CLN3: variants seen among roughly 807,000 people sequenced by gnomAD.
CLN3 encodes battenin.
Under a neutral mutation model 60.7 loss-of-function variants are expected in CLN3, and 49 were observed. That is an observed-to-expected ratio of 0.81 (90% CI 0.64 to 1.02). The LOEUF (loss-of-function observed/expected upper bound fraction) is 1.02, where lower values mean the gene tolerates loss of function less well. CLN3 is among the 50% of genes least tolerant of loss of function. The probability of loss-of-function intolerance (pLI) is 0.00; values close to 1 mark genes in which losing one functional copy is unlikely to be tolerated. For missense variants in CLN3, 516 were observed against 557.4 expected, an observed-to-expected ratio of 0.93 and a Z score of 0.75; for synonymous variants, 256 against 245.8, an observed-to-expected ratio of 1.04 and a Z score of -0.39.
chr16:28,477,896 G>A lies in CLN3; in HGVS notation c.1057-19C>T. Reference sequence around the variant, plus strand: ...TGAGGCACTGTGAACAGGGGGAGAGGCTAAGCCTGGGACCAGGGCGGGGCA... The same window carrying A: ...TGAGGCACTGTGAACAGGGGGAGAGACTAAGCCTGGGACCAGGGCGGGGCA... On this transcript the variant is annotated intron_variant, in intron 14 of 15. Transcript: ENST00000636147. 1 of 1,612,884 alleles carries A rather than the reference G, an allele frequency of 6.2e-7. No individual in the cohort carries two copies. The highest frequency in any genetic ancestry group is 8.5e-7 in the Non-Finnish European group (1 of 1,179,874).
chr16:28,470,539 G>A, downstream of CLN3: 1 of 369,638 alleles, frequency 2.7e-6, no homozygotes, highest in Admixed American at 3.5e-5. Flanking sequence ...CCGGATCTGA[G>A]TTGGGGCGGG....
downstream of CLN3, among the ~76,000 whole-genome samples, chr16:28,473,247 G>C (rs546947229): frequency 1.3e-5 from 2 of 152,304 alleles, no homozygotes; most frequent in African/African-American, 4.8e-5. Context: ...TGGGACTACA[G>C]GCATACCTTG....
chr16:28,472,517 G>A (rs1028232501), downstream of CLN3, among the ~76,000 whole-genome samples: 1 of 152,022 alleles, frequency 6.6e-6, no homozygotes, highest in African/African-American at 2.4e-5. Context: ...AGATCTAAAT[G>A]TAAGAGCTAA....
At chr16:28,491,864 G>T (rs2141723091) in intron 1 of CLN3, 29 bp from the exon 2 acceptor site, 2 of 1,421,242 alleles carry the variant, frequency 1.4e-6, no homozygotes, top group East Asian at 4.9e-5. Flanking sequence ...ATCAACGCCC[G>T]ATTGCCGGTC....
rs184435777 is a variant in CLN3 at position 28,490,135 on chromosome 16, C to T, written c.126-749G>A. ...TTGGAGGCTGGAAGTGAATCCAAGTCTGTGATCCCAAAGCCCCTATGTCAG... is the reference window on the plus strand; with the variant it reads ...TTGGAGGCTGGAAGTGAATCCAAGTTTGTGATCCCAAAGCCCCTATGTCAG... On this transcript the variant is annotated intron_variant, in intron 3 of 15. Transcript: ENST00000636147. 2.7e-5 allele frequency among the ~76,000 whole-genome samples: 4 copies of T among 150,894 alleles called. No individual in the cohort carries two copies. In the East Asian group the frequency reaches 7.9e-4, roughly 30 times the overall value.
intron 9 of CLN3, chr16:28,484,322 C>T: frequency 3.4e-6 from 2 of 594,598 alleles, no homozygotes; most frequent in Non-Finnish European, 3.0e-6. Flanking sequence ...GAATTTATCT[C>T]CTTATTCCTA....
At chr16:28,489,580 C>A (rs1419014826) in intron 3 of CLN3, among the ~76,000 whole-genome samples, 194 bp from the exon 4 acceptor site, 1 of 152,030 alleles carries the variant, frequency 6.6e-6, no homozygotes, top group Non-Finnish European at 1.5e-5. Flanking sequence ...GTGAGACCCC[C>A]ATCTCTACAA....
At chr16:28,491,355 C>G (rs2046310095) in intron 3 of CLN3, 127 bp downstream of exon 3, 1 of 1,354,486 alleles carries the variant, frequency 7.4e-7, no homozygotes, top group Non-Finnish European at 1.0e-6. Flanking sequence ...CTGGGGCAAA[C>G]CAGTGGATTC....
chr16:28,486,596 A>G lies in CLN3; in HGVS notation c.515T>C (p.Leu172Pro). The G allele has an allele frequency of 6.2e-7, 1 of 1,611,228 alleles. No homozygotes were observed. The highest frequency in any genetic ancestry group is 1.3e-5 in the African/African-American group (1 of 74,974). ...SGLGEVTFLSLTAFYPRAVIS... is the reference protein window; with the variant it reads ...SGLGEVTFLSPTAFYPRAVIS... ...TGCTTACCTGGGGTAGAAGGCAGTG[A>G]GGGAGAGGAAGGTGACCTCCCCAAG... The change falls in exon 8 of 16, where the codon CTC (leucine) becomes CCC (proline). Residue 172 changes from leucine to proline, a missense_variant. Leu to Pro is a moderately conservative substitution (Grantham distance 98). Transcript: ENST00000636147.
Position 28,491,498 on chromosome 16 carries a change from T to C in CLN3, c.109A>G (p.Asn37Asp). 1.2e-6 allele frequency: 2 copies of C among 1,613,772 alleles called. No homozygotes were observed. The highest frequency in any genetic ancestry group is 1.7e-6 in the Non-Finnish European group (2 of 1,180,038). Reference protein sequence around the residue: ...LLDHQGAHWKNAVGFWLLGLC... With the variant: ...LLDHQGAHWKDAVGFWLLGLC... ...GCCACTCACCAGAAGCCCACCGCGT[T>C]CTTCCAATGCGCGCCCTGATGGTCC... The change falls in exon 3 of 16, where the codon AAC (asparagine) becomes GAC (aspartate). Residue 37 changes from asparagine (N) to aspartate (D), a missense_variant. Transcript: ENST00000636147.
Position 28,482,211 on chromosome 16 carries a change from T to G in CLN3, c.963-13A>C. On this transcript the variant is annotated splice_polypyrimidine_tract_variant and intron_variant, in intron 13 of 15. Transcript: ENST00000636147. ...CAGCATCTGGTACCTGAGGTTAGGG[T>G]TGGGGGGAGGAGAGGAGGCTCCTCC... 1 of 1,610,592 alleles carries G rather than the reference T, an allele frequency of 6.2e-7. No individual in the cohort carries two copies. The highest frequency in any genetic ancestry group is 8.5e-7 in the Non-Finnish European group (1 of 1,178,448).
chr16:28,478,583 T>C (rs1438644935), intron 14 of CLN3, among the ~76,000 whole-genome samples: 1 of 129,434 alleles, frequency 7.7e-6, no homozygotes, highest in Non-Finnish European at 1.5e-5. Flanking sequence ...GCCACTGCAC[T>C]CCAGCCTGGG....
chr16:28,481,446 A>ACACACG (rs1374865573), intron 14 of CLN3, among the ~76,000 whole-genome samples: 99 of 131,164 alleles, frequency 7.5e-4, no homozygotes, highest in African/African-American at 2.8e-3. Flanking sequence ...ACACACACAC[A>ACACACG]CACACACGCA....
At position 28,486,618 on chromosome 16, in the gene CLN3, C is replaced by A; in HGVS notation, c.493G>T (p.Gly165Trp). 1 of 1,611,282 alleles carries A rather than the reference C, an allele frequency of 6.2e-7. No individual in the cohort carries two copies. Among genetic ancestry groups the A allele is most frequent in the Non-Finnish European group, 8.5e-7 (1 of 1,178,838 alleles). ...GTGAGGGAGAGGAAGGTGACCTCCC[C>A]AAGGCCTGATGAGATGCTAGCGAAG... ...VVFASISSGL[G>W]EVTFLSLTAF... The change falls in exon 8 of 16, where the codon GGG becomes TGG. Residue 165 changes from glycine to tryptophan, a missense_variant. Gly to Trp is a radical substitution (Grantham distance 184, BLOSUM62 -2). Coordinates refer to ENST00000636147, the MANE Select transcript of CLN3 (RefSeq NM_001042432.2).
At chr16:28,481,456 A>ACACACG (rs1555468015) in intron 14 of CLN3, among the ~76,000 whole-genome samples, 843 of 70,102 alleles carry the variant, frequency 0.012, 8 homozygotes, top group African/African-American at 0.028. Flanking sequence ...ACACACACGC[A>ACACACG]CACACACACA....
At chr16:28,473,089 C>G (rs1464868847), downstream of CLN3, among the ~76,000 whole-genome samples, 1 of 151,838 alleles carries the variant, frequency 6.6e-6, no homozygotes, top group Non-Finnish European at 1.5e-5. Flanking sequence ...AGGCACGCAG[C>G]ACTACACCTG....
At chr16:28,479,721 A>G (rs1177522164) in intron 14 of CLN3, 1 of 200,104 alleles carries the variant, frequency 5.0e-6, no homozygotes, top group Non-Finnish European at 1.1e-5. Flanking sequence ...GTGAGCCAAG[A>G]TTGCACCGCT....
chr16:28,474,840 G>C (rs964008475), downstream of CLN3, among the ~76,000 whole-genome samples: 2 of 152,170 alleles, frequency 1.3e-5, no homozygotes, highest in Non-Finnish European at 2.9e-5. Context: ...GGTGGCTCAT[G>C]GGTAATAATC....
intron 9 of CLN3, chr16:28,484,948 G>A (rs1455104434): frequency 6.7e-6 from 1 of 149,524 alleles, no homozygotes; most frequent in African/African-American, 2.4e-5. Flanking sequence ...TTCAAAGTGT[G>A]TGTTTTTTTT....
Sources: gnomAD v4.1 joint callset for allele counts (sites outside exome capture counted in the v4.1 genomes callset) on GRCh38, gnomAD v4.1.1 for gene constraint, MANE v1.5 for transcripts, NCBI Gene and HGNC (gene_info 2026-07-23, HGNC 2026-07-21) for gene names.